Variants in PPP1R1C observed in about 807,000 individuals in gnomAD.
The protein encoded by PPP1R1C is protein phosphatase 1 regulatory subunit 1C.
Under a neutral mutation model 17.4 loss-of-function variants are expected in PPP1R1C, and 15 were observed. That is an observed-to-expected ratio of 0.86 (90% CI 0.58 to 1.33). PPP1R1C has a LOEUF of 1.33. Among genes scored for constraint, PPP1R1C ranks in the 40% most tolerant of loss-of-function variants. The probability of loss-of-function intolerance (pLI) is 0.00; values close to 1 mark genes in which losing one functional copy is unlikely to be tolerated. For synonymous variants in PPP1R1C, 35 were observed against 43.1 expected (o/e 0.81, Z 0.73); for missense variants, 143 against 130.0 (o/e 1.10, Z -0.48).
At position 182,090,320 on chromosome 2, in the gene PPP1R1C, A is replaced by C. The variant is rs533433027; in HGVS notation, c.241+26529A>C. 8.1e-5 allele frequency among the ~76,000 whole-genome samples: 9 copies of C among 110,702 alleles called. No homozygotes were observed. The Admixed American group carries it at 9.3e-4, about 11-fold the overall frequency. 72.6% of individuals were successfully genotyped at this position (110,702 alleles called of 152,430 possible). ...GTGTGTGTGTGTGTGTGTGTGTCAG[A>C]GAGAGACAGAGAGCAAGAGAGAAAA... On this transcript the variant is annotated intron_variant, in intron 4 of 4. Coordinates refer to ENST00000682840, the MANE Select transcript of PPP1R1C (RefSeq NM_001080545.3).
intron 2 of PPP1R1C, among the ~76,000 whole-genome samples, chr2:182,015,469 C>T (rs1017828274): frequency 2.6e-5 from 4 of 152,136 alleles, no homozygotes; most frequent in African/African-American, 9.7e-5. Flanking sequence ...TGGACTAATA[C>T]AGAGTCTCTC....
chr2:182,058,325 C>G (rs899005479), intron 2 of PPP1R1C, among the ~76,000 whole-genome samples: 3 of 152,032 alleles, frequency 2.0e-5, no homozygotes, highest in Non-Finnish European at 4.4e-5. Flanking sequence ...TTTCTCATGA[C>G]TAGACTAGGC....
At chr2:182,083,391 T>C (rs1271482006) in intron 4 of PPP1R1C, among the ~76,000 whole-genome samples, 1 of 152,128 alleles carries the variant, frequency 6.6e-6, no homozygotes. Context: ...GTTTTTTAGC[T>C]CTCACCCCTC....
At chr2:182,080,535 C>G (rs916987360) in intron 4 of PPP1R1C, among the ~76,000 whole-genome samples, 1 of 152,132 alleles carries the variant, frequency 6.6e-6, no homozygotes, top group African/African-American at 2.4e-5. Context: ...CAGAGTAATA[C>G]CGTAACACAA....
At chr2:182,046,927 A>G (rs1449199050) in intron 2 of PPP1R1C, among the ~76,000 whole-genome samples, 1 of 152,210 alleles carries the variant, frequency 6.6e-6, no homozygotes, top group Admixed American at 6.5e-5. Flanking sequence ...AAGCAGATTT[A>G]GTAAGTCACT....
intron 4 of PPP1R1C, among the ~76,000 whole-genome samples, chr2:182,093,071 C>A (rs903692086): frequency 6.6e-6 from 1 of 152,184 alleles, no homozygotes; most frequent in Non-Finnish European, 1.5e-5. Flanking sequence ...CATGAGGGCC[C>A]TAACCCCTGC....
At chr2:181,972,040 T>C (rs1319117894) in intron 1 of PPP1R1C, among the ~76,000 whole-genome samples, 1 of 152,224 alleles carries the variant, frequency 6.6e-6, no homozygotes, top group Admixed American at 6.5e-5. Flanking sequence ...TTGTGATTGC[T>C]CACATGATTT....
At chr2:182,044,440 G>T (rs1233147107) in intron 2 of PPP1R1C, among the ~76,000 whole-genome samples, 6 of 152,018 alleles carry the variant, frequency 3.9e-5, no homozygotes, top group Admixed American at 3.9e-4. Flanking sequence ...ACACCTCAGG[G>T]AGATTCCCAC....
intron 4 of PPP1R1C, among the ~76,000 whole-genome samples, chr2:182,099,339 G>A (rs1172250286): frequency 6.6e-6 from 1 of 152,172 alleles, no homozygotes; most frequent in Non-Finnish European, 1.5e-5. Flanking sequence ...GTTGGCTAAT[G>A]CTAATCATAA....
chr2:182,008,023 G>C (rs1685975031), intron 2 of PPP1R1C, among the ~76,000 whole-genome samples: 1 of 152,044 alleles, frequency 6.6e-6, no homozygotes, highest in East Asian at 1.9e-4. Context: ...AGCTGAGATC[G>C]CGCCACTGCA....
intron 1 of PPP1R1C, among the ~76,000 whole-genome samples, chr2:181,968,051 A>G (rs973180548): frequency 1.3e-5 from 2 of 152,226 alleles, no homozygotes; most frequent in Non-Finnish European, 2.9e-5. Flanking sequence ...TTGTGATCAG[A>G]GAAAATACTT....
In PPP1R1C at chr2:181,976,675, A is replaced by G. The variant is rs1685096927; in HGVS notation, n.157+1411A>G. ...TCTCTGTCTCTTGAGTATTTTAAACATCTTTCCCCTCTGGCTACCTCCTTG... is the reference window on the plus strand; with the variant it reads ...TCTCTGTCTCTTGAGTATTTTAAACGTCTTTCCCCTCTGGCTACCTCCTTG... On this transcript the variant is annotated intron_variant and non_coding_transcript_variant, in intron 2 of 5. Transcript: ENST00000464264. The surrounding 1 kb of genome is among the most constrained non-coding windows in gnomAD (Gnocchi z 4.8). Among the ~76,000 whole-genome samples the G allele has an allele frequency of 6.6e-6, 1 of 152,042 alleles. No homozygotes were observed. The highest frequency in any genetic ancestry group is 1.5e-5 in the Non-Finnish European group (1 of 68,014).
chr2:181,964,118 C>T lies in PPP1R1C; in HGVS notation n.111+9484C>T, dbSNP rs1384874095. Among the ~76,000 whole-genome samples the T allele has an allele frequency of 4.6e-5, 7 of 152,274 alleles. No homozygotes were observed. In the South Asian group the frequency reaches 1.2e-3, roughly 27 times the overall value. On this transcript the variant is annotated intron_variant and non_coding_transcript_variant, in intron 1 of 5. Coordinates refer to the PPP1R1C transcript ENST00000464264. ...CCTACTCCCTCACTCCACAAGTACA[C>T]GTCCCAGCCTCTTGTAACCATCATT...
At chr2:182,016,834 C>T (rs1432537728) in intron 2 of PPP1R1C, among the ~76,000 whole-genome samples, 2 of 152,034 alleles carry the variant, frequency 1.3e-5, no homozygotes, top group African/African-American at 2.4e-5. Context: ...TGTACTTATC[C>T]TTCTGTTAGC....
chr2:181,987,440 T>C (rs1685331167), intron 1 of PPP1R1C, among the ~76,000 whole-genome samples: 1 of 152,192 alleles, frequency 6.6e-6, no homozygotes, highest in African/African-American at 2.4e-5. Flanking sequence ...GAAATAGGTT[T>C]CCAAGCTCTT....
intron 2 of PPP1R1C, among the ~76,000 whole-genome samples, chr2:182,037,866 C>T (rs1461406997): frequency 6.6e-6 from 1 of 152,046 alleles, no homozygotes; most frequent in Non-Finnish European, 1.5e-5. Flanking sequence ...AACTTTATTT[C>T]TACACTTTTA....
chr2:182,127,667 G>A (rs948406263), intron 5 of PPP1R1C, among the ~76,000 whole-genome samples: 10 of 152,032 alleles, frequency 6.6e-5, no homozygotes, highest in African/African-American at 1.4e-4. Flanking sequence ...CTAATGTCTC[G>A]TAGGCCAGAA....
At chr2:182,005,339 G>A (rs926238920) in intron 2 of PPP1R1C, among the ~76,000 whole-genome samples, 6 of 152,196 alleles carry the variant, frequency 3.9e-5, no homozygotes, top group Non-Finnish European at 5.9e-5. Flanking sequence ...TGGAGCATGG[G>A]ATATTATCTC....
intron 4 of PPP1R1C, among the ~76,000 whole-genome samples, chr2:182,071,430 A>G (rs1419219284): frequency 6.6e-6 from 1 of 152,248 alleles, no homozygotes; most frequent in Non-Finnish European, 1.5e-5. Flanking sequence ...TCATCCCATG[A>G]TACGAGGGGC....
Sources: gnomAD v4.1 joint callset for allele counts (sites outside exome capture counted in the v4.1 genomes callset) on GRCh38, gnomAD v4.1.1 for gene constraint, Gnocchi (gnomAD v3.1) non-coding constraint, MANE v1.5 for transcripts, NCBI Gene and HGNC (gene_info 2026-07-23, HGNC 2026-07-21) for gene names.